GPR158: variants seen among roughly 807,000 people sequenced by gnomAD.
GPR158 encodes the protein metabotropic glycine receptor.
GPR158 carries 30 observed loss-of-function variants against 78.2 expected under a neutral mutation model. The ratio of observed to expected loss-of-function variants is 0.38; its 90% CI spans 0.29 to 0.52. The LOEUF (loss-of-function observed/expected upper bound fraction) is 0.52, where lower values mean the gene tolerates loss of function less well. Among genes scored for constraint, GPR158 ranks in the 20% least tolerant of loss-of-function variants. The pLI, the probability that GPR158 is intolerant of heterozygous loss-of-function variation, is 0.83. For synonymous variants in GPR158, 581 were observed against 591.1 expected (o/e 0.98, Z 0.25); for missense variants, 1,463 against 1,523.5 (o/e 0.96, Z 0.66).
intron 2 of GPR158, among the ~76,000 whole-genome samples, chr10:25,306,965 A>C (rs894634688): frequency 6.6e-6 from 1 of 151,464 alleles, no homozygotes; most frequent in African/African-American, 2.4e-5. Context: ...TTTTTAGGGA[A>C]AGGGTTGGGG....
At chr10:25,480,297 C>T (rs1835648396) in intron 5 of GPR158, among the ~76,000 whole-genome samples, 1 of 152,134 alleles carries the variant, frequency 6.6e-6, no homozygotes. Flanking sequence ...GATTTTTATT[C>T]ATCTTTATTA....
chr10:25,441,820 A>G (rs1835072045), intron 4 of GPR158, among the ~76,000 whole-genome samples: 3 of 152,214 alleles, frequency 2.0e-5, no homozygotes, highest in Non-Finnish European at 4.4e-5. Context: ...AATCACATAG[A>G]CACTACAACT....
intron 5 of GPR158, among the ~76,000 whole-genome samples, chr10:25,488,690 G>T (rs1835764695): frequency 6.6e-6 from 1 of 151,978 alleles, no homozygotes; most frequent in Non-Finnish European, 1.5e-5. Context: ...TCACTTGCTT[G>T]GAAGGAAAGT....
chr10:25,480,067 CTCTT>C (rs1418551271), intron 5 of GPR158, among the ~76,000 whole-genome samples: 2 of 152,082 alleles, frequency 1.3e-5, no homozygotes, highest in Non-Finnish European at 2.9e-5. Context: ...GCCATTTTAT[CTCTT>C]TCTTTGTTTT....
chr10:25,384,252 G>A (rs568694606), intron 2 of GPR158, among the ~76,000 whole-genome samples: 13 of 152,016 alleles, frequency 8.6e-5, no homozygotes, highest in Non-Finnish European at 1.6e-4. Context: ...TGAGCTGCCA[G>A]CTCAAAATAA....
At chr10:25,488,942 G>GA (rs1214201852) in intron 5 of GPR158, among the ~76,000 whole-genome samples, 3 of 151,890 alleles carry the variant, frequency 2.0e-5, no homozygotes, top group Admixed American at 2.0e-4. Context: ...GAAAAAAAGG[G>GA]AAAAAAACTA....
chr10:25,240,642 TAG>T (rs58093676), intron 2 of GPR158, among the ~76,000 whole-genome samples: 16,902 of 152,220 alleles, frequency 0.11, 1,133 homozygotes, highest in East Asian at 0.3. Context: ...ATAGAACGAA[TAG>T]ATGGTACTAA....
In GPR158 at chr10:25,598,415, A is replaced by T; in HGVS notation, c.2789A>T (p.Lys930Ile). ...TQTAGVEERTKSQKPLPKDKE... is the reference protein window; with the variant it reads ...TQTAGVEERTISQKPLPKDKE... ...ACAGCAGGTGTGGAAGAACGCACTA[A>T]ATCCCAGAAACCTTTGCCAAAAGAT... The change falls in exon 11 of 11, where the codon AAA (lysine) becomes ATA (isoleucine). Residue 930 changes from lysine (K) to isoleucine (I), a missense_variant. Lys to Ile is a moderately radical substitution (Grantham distance 102, BLOSUM62 -3). Coordinates refer to ENST00000376351, the MANE Select transcript of GPR158 (RefSeq NM_020752.3). 1 of 1,614,114 alleles carries T rather than the reference A, an allele frequency of 6.2e-7. No homozygotes were observed. Among genetic ancestry groups the T allele is most frequent in the Non-Finnish European group, 8.5e-7 (1 of 1,180,008 alleles).
intron 6 of GPR158, among the ~76,000 whole-genome samples, chr10:25,555,298 T>C (rs1836774222): frequency 6.6e-6 from 1 of 152,038 alleles, no homozygotes; most frequent in South Asian, 2.1e-4. Context: ...ATTGAATCTA[T>C]AAGTTAAGAG....
At chr10:25,505,211 T>C (rs1835994868) in intron 5 of GPR158, among the ~76,000 whole-genome samples, 1 of 152,224 alleles carries the variant, frequency 6.6e-6, no homozygotes, top group Non-Finnish European at 1.5e-5. Context: ...TCTGTTGATT[T>C]TGAAAGTAAA....
intron 1 of GPR158, among the ~76,000 whole-genome samples, chr10:25,205,617 G>A (rs910521086): frequency 6.6e-6 from 1 of 151,970 alleles, no homozygotes; most frequent in African/African-American, 2.4e-5. Flanking sequence ...CTGTTATGTT[G>A]CATCTTTGTT....
intron 9 of GPR158, among the ~76,000 whole-genome samples, chr10:25,596,364 C>A (rs1363463437): frequency 1.3e-5 from 2 of 152,094 alleles, no homozygotes; most frequent in East Asian, 1.9e-4. Context: ...GAGGCTGGAG[C>A]AGGAGGATGG....
intron 2 of GPR158, among the ~76,000 whole-genome samples, chr10:25,378,332 C>T (rs1010252895): frequency 6.6e-6 from 1 of 152,044 alleles, no homozygotes; most frequent in South Asian, 2.1e-4. Flanking sequence ...TTCATATAAA[C>T]TGAATGGCTT....
chr10:25,461,851 C>T (rs964876779), intron 4 of GPR158, among the ~76,000 whole-genome samples: 3 of 151,742 alleles, frequency 2.0e-5, no homozygotes, highest in South Asian at 4.2e-4. Context: ...CCTGCCTCAG[C>T]CTCCCGAGTA....
At chr10:25,539,113 G>C (rs1836540066) in intron 5 of GPR158, among the ~76,000 whole-genome samples, 1 of 152,116 alleles carries the variant, frequency 6.6e-6, no homozygotes, top group Non-Finnish European at 1.5e-5. Context: ...TATGAATGTA[G>C]TGCTGCATCC....
chr10:25,356,901 C>T (rs1304945103), intron 2 of GPR158, among the ~76,000 whole-genome samples: 2 of 151,950 alleles, frequency 1.3e-5, no homozygotes, highest in African/African-American at 4.8e-5. Flanking sequence ...TTGGAGAGCT[C>T]AGAAGAAGAC....
chr10:25,401,219 CCA>C (rs1834441377), intron 3 of GPR158, among the ~76,000 whole-genome samples: 1 of 152,086 alleles, frequency 6.6e-6, no homozygotes, highest in Non-Finnish European at 1.5e-5. Flanking sequence ...AGCTTGAACA[CCA>C]CAGTCTCATA....
At chr10:25,490,792 C>A (rs1344521671) in intron 5 of GPR158, among the ~76,000 whole-genome samples, 2 of 151,084 alleles carry the variant, frequency 1.3e-5, no homozygotes, top group South Asian at 2.1e-4. Flanking sequence ...ATTTATAGTC[C>A]TTTGGGTATA....
Position 25,601,419 on chromosome 10 carries a change from G to T in GPR158, c.*2145G>T, listed in dbSNP as rs977039237. On this transcript the variant is annotated 3_prime_UTR_variant, in exon 11 of 11. Coordinates refer to ENST00000376351, the MANE Select transcript of GPR158 (RefSeq NM_020752.3). The stretch of plus-strand genomic sequence containing the variant: ...TTAAGGAATCTTTGTGAACTGGGTT[G>T]GAAGTTCCTAGACCCACATATTTGT... 7.9e-5 allele frequency: 12 copies of T among 152,530 alleles called. No individual in the cohort carries two copies. Among genetic ancestry groups the T allele is most frequent in the African/African-American group, 2.9e-4 (12 of 41,412 alleles). The allele number at this position is 152,530 out of a possible 1,614,324, so 9.4% of individuals were successfully genotyped here.
Sources: gnomAD v4.1 joint callset for allele counts (sites outside exome capture counted in the v4.1 genomes callset) on GRCh38, gnomAD v4.1.1 for gene constraint, MANE v1.5 for transcripts, NCBI Gene and HGNC (gene_info 2026-07-23, HGNC 2026-07-21) for gene names.